RCAN2: variants seen among roughly 807,000 people sequenced by gnomAD.
RCAN2 encodes regulator of calcineurin 2.
RCAN2 carries 9 observed loss-of-function variants against 23.6 expected under a neutral mutation model. The observed-to-expected ratio is 0.38, with a 90% confidence interval of 0.23 to 0.67. The LOEUF (loss-of-function observed/expected upper bound fraction) is 0.67, where lower values mean the gene tolerates loss of function less well. Among genes scored for constraint, RCAN2 ranks in the 30% least tolerant of loss-of-function variants. The probability of loss-of-function intolerance (pLI) is 0.51; values close to 1 mark genes in which losing one functional copy is unlikely to be tolerated. For synonymous variants in RCAN2, 109 were observed against 115.7 expected, an observed-to-expected ratio of 0.94 and a Z score of 0.37; for missense variants, 273 against 302.3, an observed-to-expected ratio of 0.90 and a Z score of 0.72.
intron 2 of RCAN2, among the ~76,000 whole-genome samples, chr6:46,444,945 C>T (rs1256867203): frequency 6.6e-6 from 1 of 152,074 alleles, no homozygotes. Context: ...CACACTTGTC[C>T]TAGCAACAGG....
rs113238666 is a variant in RCAN2 at position 46,232,227 on chromosome 6, G to A, written c.572-8926C>T. Among the ~76,000 whole-genome samples the A allele has an allele frequency of 3.9e-4, 60 of 152,366 alleles. No individual in the cohort carries two copies. In the East Asian group the frequency reaches 7.1e-3, roughly 18 times the overall value. ...AATCCATGGGGAAGTTGCAAACTAC[G>A]CATATGCGGTATAGTGCTGTATGTA... On this transcript the variant is annotated intron_variant, in intron 4 of 4. Transcript: ENST00000371374.
chr6:46,293,625 T>C (rs139413637), intron 2 of RCAN2, among the ~76,000 whole-genome samples: 1,574 of 152,300 alleles, frequency 0.01, 28 homozygotes, highest in African/African-American at 0.036. Context: ...CCTTCTTCCC[T>C]CTTTATTGAG....
chr6:46,331,536 C>T (rs1403210748), intron 2 of RCAN2, among the ~76,000 whole-genome samples: 1 of 152,172 alleles, frequency 6.6e-6, no homozygotes, highest in African/African-American at 2.4e-5. Context: ...AGTCCTCTGA[C>T]AAATCTTCAA....
intron 2 of RCAN2, among the ~76,000 whole-genome samples, chr6:46,251,687 G>C (rs995329060): frequency 2.0e-5 from 3 of 152,090 alleles, no homozygotes; most frequent in Non-Finnish European, 4.4e-5. Context: ...GACTGCATTA[G>C]GAGCAAAGAA....
At chr6:46,322,106 C>A (rs1763637053) in intron 2 of RCAN2, among the ~76,000 whole-genome samples, 1 of 152,222 alleles carries the variant, frequency 6.6e-6, no homozygotes, top group Admixed American at 6.5e-5. Context: ...AACCACTGGA[C>A]TAAAGTGAAA....
At chr6:46,358,094 A>C (rs1232806904) in intron 2 of RCAN2, among the ~76,000 whole-genome samples, 1 of 152,218 alleles carries the variant, frequency 6.6e-6, no homozygotes, top group Non-Finnish European at 1.5e-5. Context: ...CAATAACGTT[A>C]TAATCCCGGT....
rs185228748 is a variant in RCAN2, at chr6:46,376,594, C to T, written c.225+80158G>A. Among the ~76,000 whole-genome samples the T allele has an allele frequency of 1.1e-3, 166 of 152,146 alleles. 1 individual carries two copies. Among genetic ancestry groups the T allele is most frequent in the Admixed American group, 8.6e-3 (132 of 15,282 alleles). On this transcript the variant is annotated intron_variant, in intron 2 of 4. Coordinates refer to ENST00000371374, the MANE Select transcript of RCAN2 (RefSeq NM_001251974.2). ...ACTCGGGAGGCTGAGGCAGAAGAATCGCTTGAACCTGGGAGGTGGAGGTTG... is the reference window on the plus strand; with the variant it reads ...ACTCGGGAGGCTGAGGCAGAAGAATTGCTTGAACCTGGGAGGTGGAGGTTG...
At chr6:46,323,472 T>A (rs1194051832) in intron 2 of RCAN2, among the ~76,000 whole-genome samples, 2 of 151,814 alleles carry the variant, frequency 1.3e-5, no homozygotes, top group African/African-American at 4.8e-5. Context: ...CTGGTAACAG[T>A]CTTCCTCGAA....
chr6:46,371,236 G>T (rs1413786852), intron 2 of RCAN2, among the ~76,000 whole-genome samples: 1 of 152,132 alleles, frequency 6.6e-6, no homozygotes, highest in Non-Finnish European at 1.5e-5. Context: ...CTCCTCAACG[G>T]TGAGTAGAGG....
chr6:46,406,727 T>TA (rs1766416137), intron 2 of RCAN2, among the ~76,000 whole-genome samples: 2 of 152,234 alleles, frequency 1.3e-5, no homozygotes, highest in Admixed American at 1.3e-4. Context: ...ATTATGTACT[T>TA]ATAGAGGCTA....
At chr6:46,489,058 A>ATGGTTT (rs1211309370) in intron 1 of RCAN2, among the ~76,000 whole-genome samples, 43 of 152,350 alleles carry the variant, frequency 2.8e-4, no homozygotes, top group African/African-American at 1.0e-3. Flanking sequence ...ATCCAGCTTC[A>ATGGTTT]GTGAAACCTT....
chr6:46,479,583 C>CTTTTTTTTTT (rs57590590), intron 1 of RCAN2, among the ~76,000 whole-genome samples: 1 of 89,250 alleles, frequency 1.1e-5, no homozygotes. Flanking sequence ...TCTGTCTCAC[C>CTTTTTTTTTT]TTTTTTTTTT....
At chr6:46,444,400 A>G (rs1400419417) in intron 2 of RCAN2, among the ~76,000 whole-genome samples, 1 of 152,172 alleles carries the variant, frequency 6.6e-6, no homozygotes, top group African/African-American at 2.4e-5. Flanking sequence ...GGCTACACAG[A>G]CAGTATCTAT....
intron 2 of RCAN2, among the ~76,000 whole-genome samples, chr6:46,314,993 G>A (rs1399991305): frequency 1.2e-4 from 19 of 152,182 alleles, no homozygotes; most frequent in Admixed American, 1.2e-3. Flanking sequence ...CCCAGGAAGT[G>A]GAGGCTGCAG....
intron 2 of RCAN2, among the ~76,000 whole-genome samples, chr6:46,280,900 T>C (rs990863559): frequency 6.6e-6 from 1 of 152,088 alleles, no homozygotes; most frequent in Non-Finnish European, 1.5e-5. Context: ...TGTGTATGTG[T>C]GGCTATTTTA....
chr6:46,279,351 A>T (rs899872389), intron 2 of RCAN2, among the ~76,000 whole-genome samples: 1 of 152,202 alleles, frequency 6.6e-6, no homozygotes, highest in Admixed American at 6.5e-5. Flanking sequence ...CTAGCAGAAT[A>T]GTCTTGCTCT....
intron 4 of RCAN2, among the ~76,000 whole-genome samples, chr6:46,233,739 T>TC (rs1335868404): frequency 6.7e-6 from 1 of 149,772 alleles, no homozygotes; most frequent in Non-Finnish European, 1.5e-5. Flanking sequence ...TTTTTTTTTT[T>TC]CTTGAGATGG....
intron 2 of RCAN2, among the ~76,000 whole-genome samples, chr6:46,380,008 C>T (rs1029488989): frequency 6.6e-6 from 1 of 152,164 alleles, no homozygotes; most frequent in African/African-American, 2.4e-5. Flanking sequence ...AATGTGTATA[C>T]TCTGGTGGCT....
At chr6:46,266,400 G>A (rs1462559597) in intron 2 of RCAN2, among the ~76,000 whole-genome samples, 1 of 152,098 alleles carries the variant, frequency 6.6e-6, no homozygotes, top group Non-Finnish European at 1.5e-5. Context: ...TTTTGACTGA[G>A]TTTTCTCCCC....
Sources: allele counts gnomAD v4.1 joint callset (sites outside exome capture counted in the v4.1 genomes callset), GRCh38; gene constraint gnomAD v4.1.1; transcripts MANE v1.5; gene names NCBI Gene and HGNC (gene_info 2026-07-23, HGNC 2026-07-21).